OOSP1: variants seen among roughly 807,000 people sequenced by gnomAD.
OOSP1 encodes the protein oocyte secreted protein 1.
Under a neutral mutation model 5.7 loss-of-function variants are expected in OOSP1, and 11 were observed. The ratio of observed to expected loss-of-function variants is 1.94; its 90% CI spans 1.22 to 3.20. The LOEUF is 3.20. Ranked by LOEUF, OOSP1 falls within the 30% of genes most tolerant of loss-of-function variation. The probability of loss-of-function intolerance (pLI) is 0.00; values close to 1 mark genes in which losing one functional copy is unlikely to be tolerated. For synonymous variants in OOSP1, 44 were observed against 20.0 expected (o/e 2.20, Z -3.20); for missense variants, 83 against 54.1 (o/e 1.53, Z -1.67).
chr11:59,942,168 CA>C (rs1300776519), intron 1 of OOSP1, among the ~76,000 whole-genome samples: 1 of 151,886 alleles, frequency 6.6e-6, no homozygotes, highest in Non-Finnish European at 1.5e-5. Flanking sequence ...CTTAAAAAAT[CA>C]AAAACAAAAA....
At chr11:59,942,189 C>T (rs767409653) in intron 1 of OOSP1, among the ~76,000 whole-genome samples, 2 of 152,110 alleles carry the variant, frequency 1.3e-5, no homozygotes, top group Non-Finnish European at 2.9e-5. Context: ...AAACTCATGC[C>T]TACCCAGTCT....
intron 2 of OOSP1, 25 bp downstream of exon 2, chr11:59,943,053 A>C (rs1853847420): frequency 1.4e-6 from 1 of 701,520 alleles, no homozygotes; most frequent in East Asian, 2.7e-5. Context: ...TCTTACTTAA[A>C]ACCCAAGTGT....
At chr11:59,951,861 A>G (rs1853943968) in intron 4 of OOSP1, among the ~76,000 whole-genome samples, 1 of 151,318 alleles carries the variant, frequency 6.6e-6, no homozygotes, top group African/African-American at 2.4e-5. Flanking sequence ...ATAATTTAAA[A>G]AGAAGTCAAA....
At chr11:59,946,437 T>A (rs1227127725) in intron 3 of OOSP1, among the ~76,000 whole-genome samples, 1 of 152,188 alleles carries the variant, frequency 6.6e-6, no homozygotes, top group Admixed American at 6.5e-5. Context: ...CCATCTCCAA[T>A]ATTGGGGATT....
intron 2 of OOSP1, among the ~76,000 whole-genome samples, chr11:59,943,949 C>T (rs771467155): frequency 1.3e-5 from 2 of 152,082 alleles, no homozygotes; most frequent in Non-Finnish European, 2.9e-5. Context: ...AGATAAATTC[C>T]ACAGATTGGG....
rs534147955 is a variant in OOSP1, at chr11:59,943,308, T to C, written c.258+280T>C. ...CACCAACATGGCACATGTATACATATGTAACAAACCTGCACGTTGTGCACA... is the reference window on the plus strand; with the variant it reads ...CACCAACATGGCACATGTATACATACGTAACAAACCTGCACGTTGTGCACA... On this transcript the variant is annotated intron_variant, in intron 2 of 4. Coordinates refer to ENST00000646685, the Ensembl canonical transcript of OOSP1. Among the ~76,000 whole-genome samples the C allele has an allele frequency of 9.9e-5, 15 of 151,860 alleles. No individual in the cohort carries two copies. In the East Asian group the frequency reaches 2.7e-3, roughly 28 times the overall value.
chr11:59,941,386 T>G (rs1370265486), intron 1 of OOSP1, among the ~76,000 whole-genome samples: 2 of 148,128 alleles, frequency 1.4e-5, no homozygotes, highest in African/African-American at 2.4e-5. Flanking sequence ...TTTATGTACT[T>G]TTTTTTTTTT....
chr11:59,956,103 C>T (rs1423202405), intron 4 of OOSP1, among the ~76,000 whole-genome samples: 1 of 152,112 alleles, frequency 6.6e-6, no homozygotes, highest in Non-Finnish European at 1.5e-5. Context: ...GGGTGAACTA[C>T]TTTTGTAGCA....
At chr11:59,944,560 T>C (rs1304612194) in intron 2 of OOSP1, among the ~76,000 whole-genome samples, 1 of 152,138 alleles carries the variant, frequency 6.6e-6, no homozygotes, top group African/African-American at 2.4e-5. Flanking sequence ...GATTGGGCCT[T>C]ATATTGAGAA....
intron 4 of OOSP1, chr11:59,948,974 C>T (rs1853914115): frequency 5.1e-6 from 2 of 391,714 alleles, no homozygotes; most frequent in Non-Finnish European, 9.0e-6. Context: ...ATAGGAACTG[C>T]CACTGCTCTT....
chr11:59,942,764 T>C (rs993930228), intron 1 of OOSP1, 83 bp from the exon 2 acceptor site: 2 of 615,366 alleles, frequency 3.3e-6, no homozygotes, highest in African/African-American at 3.7e-5. Flanking sequence ...ATCTCTTCAT[T>C]TGTATTAACA....
intron 3 of OOSP1, 75 bp from the exon 4 acceptor site, chr11:59,947,658 T>C (rs1853899825): frequency 2.5e-6 from 1 of 396,190 alleles, no homozygotes. Flanking sequence ...TGGCCCCAAG[T>C]TCAGCCTTGT....
rs147960747 is a variant in OOSP1 at position 59,956,761 on chromosome 11, G to A, written c.487-434G>A. Among the ~76,000 whole-genome samples, 187 of 152,034 alleles carry A rather than the reference G, an allele frequency of 1.2e-3. 1 individual carries two copies. The highest frequency in any genetic ancestry group is 4.2e-3 in the East Asian group (22 of 5,178). On this transcript the variant is annotated intron_variant, in intron 4 of 4. Transcript: ENST00000646685. ...CACTGTATCTTTCTTATGCCTTTGC[G>A]TCCTCATAGCTCAGTTCCCACATAT...
intron 4 of OOSP1, among the ~76,000 whole-genome samples, chr11:59,952,249 G>A (rs776111385): frequency 6.6e-6 from 1 of 152,080 alleles, no homozygotes; most frequent in Non-Finnish European, 1.5e-5. Flanking sequence ...TCCTTAAAGA[G>A]CTAAAAGTAA....
chr11:59,947,122 T>C (rs1853893177), intron 3 of OOSP1, among the ~76,000 whole-genome samples: 1 of 150,330 alleles, frequency 6.7e-6, no homozygotes, highest in South Asian at 2.1e-4. Context: ...TGAACTGAAA[T>C]TTTTTTTCCC....
At chr11:59,938,783 C>T (rs1853796709) in intron 1 of OOSP1, among the ~76,000 whole-genome samples, 1 of 152,100 alleles carries the variant, frequency 6.6e-6, no homozygotes, top group Admixed American at 6.6e-5. Flanking sequence ...TTATTCTGAC[C>T]ATATCAATTC....
chr11:59,946,214 C>T (rs1290495441), intron 3 of OOSP1, among the ~76,000 whole-genome samples: 2 of 152,136 alleles, frequency 1.3e-5, no homozygotes, highest in Non-Finnish European at 1.5e-5. Flanking sequence ...TTGTGAACTT[C>T]GCATGTGAGG....
Position 59,945,271 on chromosome 11 carries a change from G to A in OOSP1, c.356+5G>A. On this transcript the variant is annotated splice_donor_5th_base_variant and intron_variant, in intron 3 of 4. Transcript: ENST00000646685. ...TCTGTCGTGTGTCGTCCACAAGTGA[G>A]TATGGAATGCCAAACCCCTGTCCTA... The A allele has an allele frequency of 1.4e-6, 1 of 703,014 alleles. No individual in the cohort carries two copies. The highest frequency in any genetic ancestry group is 2.6e-6 in the Non-Finnish European group (1 of 384,970). The allele number at this position is 703,014 out of a possible 1,614,324, so 43.5% of individuals were successfully genotyped here. A position where few individuals can be genotyped will look rare whatever the true frequency, so the allele number is the denominator to read the frequency against.
intron 2 of OOSP1, among the ~76,000 whole-genome samples, chr11:59,944,367 G>C (rs991974663): frequency 7.1e-6 from 1 of 140,952 alleles, no homozygotes; most frequent in Non-Finnish European, 1.5e-5. Context: ...GCGGGGGGGG[G>C]GCAGGGAATA....
Sources: gnomAD v4.1 joint callset for allele counts (sites outside exome capture counted in the v4.1 genomes callset) on GRCh38, gnomAD v4.1.1 for gene constraint, MANE v1.5 for transcripts, NCBI Gene and HGNC (gene_info 2026-07-23, HGNC 2026-07-21) for gene names.